Variants in KCTD16 observed in about 807,000 individuals in gnomAD.
KCTD16 encodes the protein BTB/POZ domain-containing protein KCTD16.
Under a neutral mutation model 33.2 loss-of-function variants are expected in KCTD16, and 13 were observed. The ratio of observed to expected loss-of-function variants is 0.39; its 90% confidence interval spans 0.25 to 0.62. The LOEUF (loss-of-function observed/expected upper bound fraction) is 0.62. KCTD16 is among the 20% of genes least tolerant of loss of function. The pLI is 0.50. For missense variants in KCTD16, 441 were observed against 525.1 expected (o/e 0.84, Z 1.57); for synonymous variants, 197 against 195.3 (o/e 1.01, Z -0.07).
At position 144,474,242 on chromosome 5, in the gene KCTD16, GATATACTAC is replaced by G. The variant is rs1414199398; in HGVS notation, c.*129_*137del. 2 of 701,686 alleles carry G rather than the reference GATATACTAC, an allele frequency of 2.9e-6. No individual in the cohort carries two copies. Among genetic ancestry groups the G allele is most frequent in the African/African-American group, 3.6e-5 (2 of 55,580 alleles). The allele number at this position is 701,686 out of a possible 1,614,324, so 43.5% of individuals were successfully genotyped here. ...ATTTCTTAGAACACAATAGTCCATT[GATATACTAC>G]TGCCTACTTTACCTAGTTCACCTTA... On this transcript the variant is annotated 3_prime_UTR_variant, in exon 4 of 4. Coordinates refer to ENST00000512467, the MANE Select transcript of KCTD16 (RefSeq NM_020768.4).
intron 3 of KCTD16, among the ~76,000 whole-genome samples, chr5:144,304,109 TA>T (rs964241458): frequency 2.0e-5 from 3 of 152,146 alleles, no homozygotes; most frequent in Non-Finnish European, 4.4e-5. Context: ...ATGAAAGACC[TA>T]AAAGAAATGT....
chr5:144,472,668 C>T (rs1019239309), intron 3 of KCTD16, among the ~76,000 whole-genome samples: 65 of 152,206 alleles, frequency 4.3e-4, no homozygotes, highest in Middle Eastern at 3.4e-3. Context: ...ATTACAACAA[C>T]GGATACTTCA....
chr5:144,208,156 G>C (rs1028839716), intron 3 of KCTD16, among the ~76,000 whole-genome samples: 3 of 152,184 alleles, frequency 2.0e-5, no homozygotes. Context: ...TGAGACCTGA[G>C]TTGCACTGCA....
At chr5:144,232,440 C>T (rs76468214) in intron 3 of KCTD16, among the ~76,000 whole-genome samples, 2,094 of 152,276 alleles carry the variant, frequency 0.014, 21 homozygotes, top group Non-Finnish European at 0.023. Flanking sequence ...CTAAGCAACT[C>T]GCTCAAGGTC....
At chr5:144,325,496 C>T (rs1346327944) in intron 3 of KCTD16, among the ~76,000 whole-genome samples, 1 of 152,136 alleles carries the variant, frequency 6.6e-6, no homozygotes, top group Non-Finnish European at 1.5e-5. Context: ...TTGCCCTCTC[C>T]CCCTCCCCTT....
intron 3 of KCTD16, among the ~76,000 whole-genome samples, chr5:144,212,530 G>T (rs999799383): frequency 6.6e-6 from 1 of 152,164 alleles, no homozygotes; most frequent in African/African-American, 2.4e-5. Context: ...TAATGAGGTT[G>T]TATCTAATCA....
intron 3 of KCTD16, among the ~76,000 whole-genome samples, chr5:144,430,151 C>T (rs1181860240): frequency 6.6e-6 from 1 of 152,062 alleles, no homozygotes; most frequent in East Asian, 1.9e-4. Flanking sequence ...TTTTTCTTAA[C>T]AAAGCAAGTC....
In KCTD16 at chr5:144,197,857, T is replaced by G. The variant is rs746432357; in HGVS notation, c.-326-8532T>G. Among the ~76,000 whole-genome samples, 7 of 152,190 alleles carry G rather than the reference T, an allele frequency of 4.6e-5. 1 individual carries two copies. The highest frequency in any genetic ancestry group is 7.2e-5 in the African/African-American group (3 of 41,444). ...TGGAATTGCCTGGCAATTGGGTCAG[T>G]TAATTTTATTAATTTGTTTGGCCAC... On this transcript the variant is annotated intron_variant, in intron 2 of 3. Transcript: ENST00000512467.
At chr5:144,253,226 A>G (rs1754751985) in intron 3 of KCTD16, among the ~76,000 whole-genome samples, 2 of 152,100 alleles carry the variant, frequency 1.3e-5, no homozygotes, top group Admixed American at 6.5e-5. Flanking sequence ...CCTGAATTAC[A>G]TATTTATATA....
chr5:144,450,645 G>T (rs2126984394), intron 3 of KCTD16, among the ~76,000 whole-genome samples: 1 of 152,126 alleles, frequency 6.6e-6, no homozygotes, highest in African/African-American at 2.4e-5. Context: ...CTTCTCATTT[G>T]GGTGATAGAT....
At chr5:144,465,668 C>T (rs975060095) in intron 3 of KCTD16, among the ~76,000 whole-genome samples, 1 of 152,066 alleles carries the variant, frequency 6.6e-6, no homozygotes, top group Non-Finnish European at 1.5e-5. Context: ...ACCCTCATTC[C>T]CTTCCAAGTA....
Position 144,476,103 on chromosome 5 carries a change from G to A in KCTD16, c.*1989G>A, listed in dbSNP as rs1484516301. 6.6e-6 allele frequency: 1 copy of A among 152,176 alleles called. No individual in the cohort carries two copies. The highest frequency in any genetic ancestry group is 6.5e-5 in the Admixed American group (1 of 15,272). The allele number at this position is 152,176 out of a possible 1,614,324, so 9.4% of individuals were successfully genotyped here. Reference sequence around the variant, plus strand: ...CCAGTATGTCTTGATTCTTTTCAATGTTTCTTGATAGCACATGGCAATACC... The same window carrying A: ...CCAGTATGTCTTGATTCTTTTCAATATTTCTTGATAGCACATGGCAATACC... On this transcript the variant is annotated 3_prime_UTR_variant, in exon 4 of 4. Transcript: ENST00000512467.
chr5:144,347,558 G>A (rs1043654860), intron 3 of KCTD16, among the ~76,000 whole-genome samples: 5 of 152,318 alleles, frequency 3.3e-5, no homozygotes, highest in Admixed American at 2.0e-4. Flanking sequence ...TCGCACCATC[G>A]CACTCTAGCC....
intron 3 of KCTD16, among the ~76,000 whole-genome samples, chr5:144,235,873 T>C (rs2126816714): frequency 6.6e-6 from 1 of 152,234 alleles, no homozygotes; most frequent in East Asian, 1.9e-4. Context: ...AACTTGAGAA[T>C]ATGAATGTTC....
chr5:144,381,716 T>C (rs1752219893), intron 3 of KCTD16, among the ~76,000 whole-genome samples: 1 of 152,140 alleles, frequency 6.6e-6, no homozygotes, highest in Admixed American at 6.5e-5. Context: ...ATCCCCATGA[T>C]TCAAACACCT....
chr5:144,211,908 C>G (rs995036593), intron 3 of KCTD16, among the ~76,000 whole-genome samples: 1 of 152,096 alleles, frequency 6.6e-6, no homozygotes, highest in African/African-American at 2.4e-5. Context: ...CTCTCCAGTT[C>G]TTTCTCCCAT....
rs547635738 is a variant in KCTD16, at chr5:144,202,627, TA to T, written c.-326-3757del. Among the ~76,000 whole-genome samples, 290 of 152,274 alleles carry T rather than the reference TA, an allele frequency of 1.9e-3. 1 individual carries two copies. Among genetic ancestry groups the T allele is most frequent in the African/African-American group, 6.7e-3 (278 of 41,550 alleles). ...TGCTTTTCTGAGGTTCCATTTAGAT[TA>T]AAAAGTAGATATGCCCAAATAGAGT... On this transcript the variant is annotated intron_variant, in intron 2 of 3. Coordinates refer to ENST00000512467, the MANE Select transcript of KCTD16 (RefSeq NM_020768.4).
At chr5:144,217,438 A>G (rs1753599602) in intron 3 of KCTD16, among the ~76,000 whole-genome samples, 1 of 152,222 alleles carries the variant, frequency 6.6e-6, no homozygotes, top group Non-Finnish European at 1.5e-5. Flanking sequence ...ATAAAAGTAT[A>G]TCTTAGAAAA....
At chr5:144,386,707 A>G (rs1752331423) in intron 3 of KCTD16, among the ~76,000 whole-genome samples, 1 of 152,222 alleles carries the variant, frequency 6.6e-6, no homozygotes, top group African/African-American at 2.4e-5. Flanking sequence ...ATGTAGGTGA[A>G]GAAAAAAAGA....
Sources: allele counts gnomAD v4.1 joint callset (sites outside exome capture counted in the v4.1 genomes callset), GRCh38; gene constraint gnomAD v4.1.1; transcripts MANE v1.5; gene names NCBI Gene and HGNC (gene_info 2026-07-23, HGNC 2026-07-21).